SBF2: variants seen among roughly 807,000 people sequenced by gnomAD.
The protein encoded by SBF2 is myotubularin-related protein 13.
In SBF2, 112 loss-of-function variants were observed where a neutral mutation model predicts 225.2. The ratio of observed to expected loss-of-function variants is 0.50; its 90% CI spans 0.43 to 0.58. The LOEUF (loss-of-function observed/expected upper bound fraction) is 0.58, where lower values mean the gene tolerates loss of function less well. Ranked by LOEUF, SBF2 falls within the 20% of genes least tolerant of loss-of-function variation. SBF2 has a pLI of 0.00. For synonymous variants in SBF2, 763 were observed against 773.3 expected (o/e 0.99, Z 0.22); for missense variants, 1,996 against 2,206.2 (o/e 0.90, Z 1.91).
At chr11:9,934,794 C>T (rs897333032) in intron 16 of SBF2, among the ~76,000 whole-genome samples, 3 of 152,168 alleles carry the variant, frequency 2.0e-5, no homozygotes, top group South Asian at 2.1e-4. Context: ...AAGGTATTGA[C>T]GGAACGTACC....
chr11:10,030,923 G>A (rs771578394), intron 4 of SBF2, 125 bp downstream of exon 4: 5 of 819,780 alleles, frequency 6.1e-6, no homozygotes, highest in Admixed American at 2.3e-5. Context: ...CATGCTAACT[G>A]TATTTCATAG....
At chr11:10,261,737 T>C (rs552115304) in intron 1 of SBF2, among the ~76,000 whole-genome samples, 2 of 152,326 alleles carry the variant, frequency 1.3e-5, no homozygotes, top group Admixed American at 1.3e-4. Context: ...TATTCATCAA[T>C]AGAATGGATA....
In SBF2 at chr11:9,862,757, T is replaced by C. The variant is rs184372781; in HGVS notation, c.1930-4361A>G. Among the ~76,000 whole-genome samples, 36 of 152,242 alleles carry C rather than the reference T, an allele frequency of 2.4e-4. No individual in the cohort carries two copies. In the East Asian group the frequency reaches 6.0e-3, roughly 25 times the overall value. ...TAAAAAAATTTTTTTTATTATTTTGTGTTTATTTTATTTTTTTGATTCTAA... is the reference window on the plus strand; with the variant it reads ...TAAAAAAATTTTTTTTATTATTTTGCGTTTATTTTATTTTTTTGATTCTAA... On this transcript the variant is annotated intron_variant, in intron 17 of 39. Transcript: ENST00000256190.
At chr11:10,098,892 C>A (rs1165621456) in intron 2 of SBF2, among the ~76,000 whole-genome samples, 1 of 151,702 alleles carries the variant, frequency 6.6e-6, no homozygotes. Context: ...GGAAAGCCTG[C>A]AGGATTTATG....
At chr11:10,188,612 A>G (rs1957039366) in intron 2 of SBF2, among the ~76,000 whole-genome samples, 1 of 152,254 alleles carries the variant, frequency 6.6e-6, no homozygotes, top group Non-Finnish European at 1.5e-5. Flanking sequence ...TAGTTCTAGT[A>G]CAGGATAAAC....
chr11:10,174,805 CG>C (rs1380473592), intron 2 of SBF2, among the ~76,000 whole-genome samples: 2 of 151,964 alleles, frequency 1.3e-5, no homozygotes, highest in African/African-American at 4.8e-5. Context: ...AGACTAACAG[CG>C]GATCTCTCGG....
chr11:9,781,493 T>TAAGA lies in SBF2; in HGVS notation c.5451+10_5451+13dup, dbSNP rs1064795190. On this transcript the variant is annotated intron_variant, in intron 39 of 39. Transcript: ENST00000256190. ...GCAGACAGAGCCAGGAAAAGAGAAG[T>TAAGA]AAGATCAACTTACATCAAAGAAAGC... 9.3e-6 allele frequency: 15 copies of TAAGA among 1,614,012 alleles called. No individual in the cohort carries two copies. Among genetic ancestry groups the TAAGA allele is most frequent in the African/African-American group, 8.0e-5 (6 of 74,930 alleles).
At chr11:10,024,438 G>C (rs1590782694) in intron 6 of SBF2, among the ~76,000 whole-genome samples, 1 of 152,092 alleles carries the variant, frequency 6.6e-6, no homozygotes, top group South Asian at 2.1e-4. Context: ...AGTACTCAGG[G>C]AAGCACTCTG....
intron 17 of SBF2, among the ~76,000 whole-genome samples, chr11:9,860,975 A>G (rs922027341): frequency 5.9e-5 from 9 of 152,166 alleles, no homozygotes; most frequent in Admixed American, 3.9e-4. Context: ...TTTCACACTG[A>G]TGGTGTATAT....
intron 19 of SBF2, 103 bp from the exon 20 acceptor site, chr11:9,853,815 T>A (rs1379270904): frequency 9.4e-7 from 1 of 1,068,442 alleles, no homozygotes; most frequent in Non-Finnish European, 1.5e-6. Flanking sequence ...AGCAAAGTGA[T>A]GTCTACTCAA....
chr11:10,276,785 A>G (rs1962987989), intron 1 of SBF2, among the ~76,000 whole-genome samples: 1 of 152,182 alleles, frequency 6.6e-6, no homozygotes, highest in African/African-American at 2.4e-5. Context: ...TCTGCTTGTA[A>G]AACAAGTGTA....
At chr11:10,137,114 T>C (rs185593508) in intron 2 of SBF2, among the ~76,000 whole-genome samples, 1 of 152,376 alleles carries the variant, frequency 6.6e-6, no homozygotes. Flanking sequence ...ATAAGTCCTG[T>C]ATGTGTTTTG....
At chr11:9,959,830 T>C (rs1590611581) in intron 16 of SBF2, 1 of 566,876 alleles carries the variant, frequency 1.8e-6, no homozygotes, top group Non-Finnish European at 3.5e-6. Context: ...TAGGTAAAGG[T>C]AGGCTGCGAG....
intron 1 of SBF2, among the ~76,000 whole-genome samples, chr11:10,241,375 G>A (rs1004128623): frequency 9.9e-5 from 15 of 151,888 alleles, no homozygotes; most frequent in African/African-American, 3.4e-4. Flanking sequence ...AGTAAGTAAT[G>A]CTAAAAATCA....
At chr11:10,046,794 A>G (rs1157110624) in intron 2 of SBF2, among the ~76,000 whole-genome samples, 2 of 151,770 alleles carry the variant, frequency 1.3e-5, no homozygotes, top group Non-Finnish European at 2.9e-5. Flanking sequence ...TGAAAAAAAT[A>G]AAAAGTATAT....
At chr11:10,087,172 G>A (rs1402218093) in intron 2 of SBF2, among the ~76,000 whole-genome samples, 1 of 152,028 alleles carries the variant, frequency 6.6e-6, no homozygotes, top group Non-Finnish European at 1.5e-5. Context: ...CCTGGTGCTT[G>A]TCAGTCAATC....
chr11:10,027,762 C>A (rs1433592808), intron 6 of SBF2, among the ~76,000 whole-genome samples: 2 of 152,136 alleles, frequency 1.3e-5, no homozygotes, highest in Non-Finnish European at 2.9e-5. Context: ...TTTCTAGAAT[C>A]CTCCCAATCT....
In SBF2 at chr11:10,028,475, A is replaced by G; in HGVS notation, c.596T>C (p.Val199Ala). The G allele has an allele frequency of 6.2e-7, 1 of 1,611,880 alleles. No individual in the cohort carries two copies. The highest frequency in any genetic ancestry group is 8.5e-7 in the Non-Finnish European group (1 of 1,177,932). ...ACCCAATTGCTGGAACAGGAGAGCC[A>G]CACTAGTGCCCGTGATAGGAAGACT... ...HDSLPITGTS[V>A]ALLFQQLGIQ... Residue 199 changes from valine (V) to alanine (A), a missense_variant, in exon 6 of 40, where the codon GTG (valine) becomes GCG (alanine). Coordinates refer to ENST00000256190, the MANE Select transcript of SBF2 (RefSeq NM_030962.4).
chr11:10,088,765 T>A (rs1565215762), intron 2 of SBF2, among the ~76,000 whole-genome samples: 1 of 152,178 alleles, frequency 6.6e-6, no homozygotes, highest in African/African-American at 2.4e-5. Context: ...GGGCCTCACC[T>A]TCAACATTGG....
Sources: allele counts gnomAD v4.1 joint callset (sites outside exome capture counted in the v4.1 genomes callset), GRCh38; gene constraint gnomAD v4.1.1; transcripts MANE v1.5; gene names NCBI Gene and HGNC (gene_info 2026-07-23, HGNC 2026-07-21).